STPG2: variants seen among roughly 807,000 people sequenced by gnomAD.
The protein encoded by STPG2 is sperm tail PG-rich repeat containing 2, also known as sperm-tail PG-rich repeat-containing protein 2.
STPG2 carries 56 observed loss-of-function variants against 54.2 expected under a neutral mutation model. That is an observed-to-expected ratio of 1.03 (90% CI 0.83 to 1.29). The LOEUF (loss-of-function observed/expected upper bound fraction) is 1.29. Ranked by LOEUF, STPG2 falls within the 50% of genes most tolerant of loss-of-function variation. The pLI is 0.00. For synonymous variants in STPG2, 200 were observed against 181.8 expected (o/e 1.10, Z -0.81); for missense variants, 596 against 544.9 (o/e 1.09, Z -0.93).
At chr4:97,735,959 C>A (rs887745913) in intron 9 of STPG2, among the ~76,000 whole-genome samples, 2 of 152,084 alleles carry the variant, frequency 1.3e-5, no homozygotes, top group Admixed American at 6.6e-5. Flanking sequence ...CATCACAAAT[C>A]ATCAGGGAAA....
At chr4:97,890,897 T>A (rs1730745193) in intron 8 of STPG2, among the ~76,000 whole-genome samples, 1 of 151,814 alleles carries the variant, frequency 6.6e-6, no homozygotes, top group African/African-American at 2.4e-5. Flanking sequence ...ATAAACAAAT[T>A]AATATATAAA....
intron 8 of STPG2, among the ~76,000 whole-genome samples, chr4:97,866,240 A>G (rs946120681): frequency 3.3e-5 from 5 of 151,996 alleles, no homozygotes; most frequent in Admixed American, 2.0e-4. Context: ...TAATATAACT[A>G]AAAGAGTATA....
intron 9 of STPG2, among the ~76,000 whole-genome samples, chr4:97,763,792 A>G (rs1039556248): frequency 9.2e-5 from 14 of 152,176 alleles, no homozygotes; most frequent in African/African-American, 3.1e-4. Flanking sequence ...ATTACTTATC[A>G]ATAGCAATCA....
At chr4:97,569,765 A>C (rs529626017) in intron 10 of STPG2, among the ~76,000 whole-genome samples, 1 of 152,238 alleles carries the variant, frequency 6.6e-6, no homozygotes, top group African/African-American at 2.4e-5. Context: ...TGCTAAATAT[A>C]GGTAAGGAAA....
chr4:97,621,141 G>A (rs746314178), intron 10 of STPG2, among the ~76,000 whole-genome samples: 7 of 152,040 alleles, frequency 4.6e-5, no homozygotes, highest in Non-Finnish European at 8.8e-5. Flanking sequence ...CTAAGGCAAT[G>A]TTAAGAGCAC....
At chr4:97,928,570 G>T (rs911890813) in intron 8 of STPG2, among the ~76,000 whole-genome samples, 1 of 151,910 alleles carries the variant, frequency 6.6e-6, no homozygotes. Flanking sequence ...CCTCTCCCTG[G>T]GTCCATTCTA....
intron 10 of STPG2, among the ~76,000 whole-genome samples, chr4:97,575,361 C>T (rs1443203067): frequency 5.3e-5 from 8 of 151,600 alleles, no homozygotes; most frequent in African/African-American, 1.9e-4. Flanking sequence ...AGGCCAATAT[C>T]TAAATCCTCA....
chr4:97,569,137 A>G (rs1732533935), intron 10 of STPG2, among the ~76,000 whole-genome samples: 3 of 152,158 alleles, frequency 2.0e-5, no homozygotes, highest in Admixed American at 2.0e-4. Context: ...ATGCTAAACA[A>G]TTGGTGGATT....
chr4:97,753,733 C>T (rs943031789), intron 9 of STPG2, among the ~76,000 whole-genome samples: 1 of 151,972 alleles, frequency 6.6e-6, no homozygotes, highest in African/African-American at 2.4e-5. Context: ...TGAAGTGGTT[C>T]TCTCATTGTG....
At chr4:97,533,554 C>T (rs1243516479) in intron 4 of STPG2, among the ~76,000 whole-genome samples, 2 of 152,066 alleles carry the variant, frequency 1.3e-5, no homozygotes, top group Non-Finnish European at 2.9e-5. Context: ...CCAAAATATT[C>T]TCTCATACTC....
At chr4:97,954,983 G>C (rs1412654406) in intron 7 of STPG2, among the ~76,000 whole-genome samples, 1 of 151,988 alleles carries the variant, frequency 6.6e-6, no homozygotes, top group Admixed American at 6.5e-5. Flanking sequence ...TGAAAAAATA[G>C]AAAAGAAATA....
chr4:97,694,190 A>C (rs1723480852), intron 10 of STPG2, among the ~76,000 whole-genome samples: 1 of 152,030 alleles, frequency 6.6e-6, no homozygotes, highest in East Asian at 1.9e-4. Flanking sequence ...AAACTGAAAC[A>C]AACAAACAAA....
chr4:97,924,216 C>A (rs1356293504), intron 8 of STPG2, among the ~76,000 whole-genome samples: 1 of 152,256 alleles, frequency 6.6e-6, no homozygotes, highest in Middle Eastern at 3.4e-3. Context: ...GACACACCAC[C>A]TTTAAGAACT....
chr4:97,659,084 G>A (rs1722299160), intron 10 of STPG2, among the ~76,000 whole-genome samples: 1 of 151,962 alleles, frequency 6.6e-6, no homozygotes, highest in African/African-American at 2.4e-5. Flanking sequence ...ATAAAGAAAA[G>A]CTCTTAGAGG....
intron 4 of STPG2, among the ~76,000 whole-genome samples, chr4:97,442,523 T>C (rs1729115403): frequency 6.6e-6 from 1 of 152,126 alleles, no homozygotes; most frequent in South Asian, 2.1e-4. Context: ...TGGTAGCTTT[T>C]TGAGGGTCTT....
At chr4:98,132,105 T>C (rs1212312953) in intron 2 of STPG2, among the ~76,000 whole-genome samples, 1 of 152,010 alleles carries the variant, frequency 6.6e-6, no homozygotes, top group East Asian at 1.9e-4. Context: ...ATTTTTTCCT[T>C]CCTTGCCACC....
intron 8 of STPG2, among the ~76,000 whole-genome samples, chr4:97,898,505 T>C (rs569002207): frequency 5.3e-5 from 8 of 151,836 alleles, no homozygotes; most frequent in Admixed American, 3.3e-4. Context: ...GTTCTTTGTA[T>C]AAATGTCAAA....
chr4:97,868,451 G>T (rs190269513), intron 8 of STPG2, among the ~76,000 whole-genome samples: 1 of 151,712 alleles, frequency 6.6e-6, no homozygotes, highest in Non-Finnish European at 1.5e-5. Flanking sequence ...CTTAGCATAC[G>T]GATTCCCAGA....
intron 10 of STPG2, among the ~76,000 whole-genome samples, chr4:97,678,719 C>T (rs1363665361): frequency 6.6e-6 from 1 of 151,552 alleles, no homozygotes; most frequent in Non-Finnish European, 1.5e-5. Context: ...TGGTGTGCTG[C>T]ACCCATTAAC....
Sources: allele counts gnomAD v4.1 joint callset (sites outside exome capture counted in the v4.1 genomes callset), GRCh38; gene constraint gnomAD v4.1.1; transcripts MANE v1.5; gene names NCBI Gene and HGNC (gene_info 2026-07-23, HGNC 2026-07-21).